Variants in PALB2 observed in about 807,000 individuals in gnomAD.
PALB2 encodes the protein mutant partner and localizer of BRCA2.
A neutral mutation model predicts 107.4 loss-of-function variants in PALB2; 82 were observed. The observed-to-expected ratio is 0.76, with a 90% CI of 0.64 to 0.92. The LOEUF is 0.92. Ranked by LOEUF, PALB2 falls within the 40% of genes least tolerant of loss-of-function variation. The pLI is 0.00. For missense variants in PALB2, 1,374 were observed against 1,379.9 expected (o/e 1.00, Z 0.07); for synonymous variants, 489 against 496.8 (o/e 0.98, Z 0.21).
chr16:23,629,055 A>G (rs1232559288), intron 6 of PALB2, 149 bp downstream of exon 6: 1 of 707,748 alleles, frequency 1.4e-6, no homozygotes, highest in African/African-American at 1.8e-5. Flanking sequence ...ATTGGGAAAA[A>G]TAACCAATCC....
rs786201651 is a variant in PALB2, at chr16:23,629,817, T to G, written c.2337A>C (p.Ser779=). 4.3e-6 allele frequency: 7 copies of G among 1,614,206 alleles called. No individual in the cohort carries two copies. The highest frequency in any genetic ancestry group is 2.2e-5 in the South Asian group (2 of 91,082). ...TGGTATGTGGTTTTGCTGGGCTGCCTGAACTGTCGAATTGTTTAGTATCAC... is the reference window on the plus strand; with the variant it reads ...TGGTATGTGGTTTTGCTGGGCTGCCGGAACTGTCGAATTGTTTAGTATCAC... ...LASDTKQFDS[S]GSPAKPHTTL... The change falls in exon 5 of 13, where the codon TCA becomes TCC. Residue 779 remains serine (S), a synonymous_variant. Coordinates refer to ENST00000261584, the MANE Select transcript of PALB2 (RefSeq NM_024675.4).
chr16:23,641,136 G>T lies in PALB2; in HGVS notation c.22C>A (p.Pro8Thr), dbSNP rs876660586. 6.2e-7 allele frequency: 1 copy of T among 1,613,464 alleles called. No individual in the cohort carries two copies. The highest frequency in any genetic ancestry group is 8.5e-7 in the Non-Finnish European group (1 of 1,179,866). Residue 8 changes from proline (P) to threonine (T), a missense_variant, in exon 1 of 13, where the codon CCC becomes ACC. Transcript: ENST00000261584. ...TTTTCCTTCTCCTCACAGCTGAGGG[G>T]CTTCCCGGGAGGCTCGTCCATCGGG... MDEPPGK[P>T]LSCEEKEKLK...
rs370318597 is a variant in PALB2 at position 23,634,887 on chromosome 16, G to T, written c.1659C>A (p.His553Gln). ...CTTTCACTTGAATAAATAATTTTTC[G>T]TGCTGATATTTGTGTGAGGTGACTT... Reference protein sequence around the residue: ...KEEVTSHKYQHEKLFIQVKGK... With the variant: ...KEEVTSHKYQQEKLFIQVKGK... The change falls in exon 4 of 13, where the codon CAC becomes CAA. Residue 553 changes from histidine (H) to glutamine (Q), a missense_variant. Coordinates refer to ENST00000261584, the MANE Select transcript of PALB2 (RefSeq NM_024675.4). 6 of 1,613,772 alleles carry T rather than the reference G, an allele frequency of 3.7e-6. No individual in the cohort carries two copies. The East Asian group carries it at 1.3e-4, about 36-fold the overall frequency.
chr16:23,638,311 T>C, intron 1 of PALB2, 182 bp from the exon 2 acceptor site: 1 of 647,448 alleles, frequency 1.5e-6, no homozygotes, highest in East Asian at 2.7e-5. Flanking sequence ...GCATAACCTG[T>C]TCCTATCATC....
chr16:23,629,771 G>T lies in PALB2; in HGVS notation c.2383C>A (p.Gln795Lys), dbSNP rs1966856854. 1 of 1,614,186 alleles carries T rather than the reference G, an allele frequency of 6.2e-7. No individual in the cohort carries two copies. The highest frequency in any genetic ancestry group is 2.2e-5 in the East Asian group (1 of 44,890). The change falls in exon 5 of 13, where the codon CAA becomes AAA. Residue 795 changes from glutamine (Q) to lysine (K), a missense_variant. By Grantham distance (53) the Gln-to-Lys change is moderately conservative. Transcript: ENST00000261584. ...PHTTLQVSGR[Q>K]GQPTCDCDSV... ...TCACAGTCACAGGTAGGTTGTCCTT[G>T]CCTGCCTGACACTTGCAGGGTGGTA... is the stretch of plus-strand genomic sequence containing the variant.
intron 4 of PALB2, among the ~76,000 whole-genome samples, 165 bp downstream of exon 4, chr16:23,634,697 G>T (rs1446219270): frequency 1.3e-5 from 2 of 150,470 alleles, no homozygotes; most frequent in African/African-American, 4.9e-5. Flanking sequence ...TTGAGCCAGG[G>T]TCTCACTCTG....
At chr16:23,627,283 C>G (rs962175785) in intron 6 of PALB2, among the ~76,000 whole-genome samples, 1 of 151,310 alleles carries the variant, frequency 6.6e-6, no homozygotes, top group African/African-American at 2.4e-5. Context: ...GTCAGGAGAT[C>G]GAGACCATCC....
At chr16:23,639,259 G>A (rs546579058) in intron 1 of PALB2, among the ~76,000 whole-genome samples, 1 of 152,118 alleles carries the variant, frequency 6.6e-6, no homozygotes, top group Non-Finnish European at 1.5e-5. Flanking sequence ...TCAGCTGGGC[G>A]CAGTGGCTCA....
chr16:23,638,637 G>C (rs1967125898), intron 1 of PALB2: 2 of 436,794 alleles, frequency 4.6e-6, no homozygotes, highest in Non-Finnish European at 9.1e-6. Context: ...TAGTGCTCCA[G>C]ATGCTATTCT....
Position 23,636,073 on chromosome 16 carries a change from T to A in PALB2, c.473A>T (p.Gln158Leu), listed in dbSNP as rs1349641343. The change falls in exon 4 of 13, where the codon CAG becomes CTG. Residue 158 changes from glutamine (Q) to leucine (L), a missense_variant. By Grantham distance (113) the Gln-to-Leu change is moderately radical (BLOSUM62 -2). Coordinates refer to ENST00000261584, the MANE Select transcript of PALB2 (RefSeq NM_024675.4). ...AGTGCCAAAGACACAGTCTCTCTCC[T>A]GTGAAATAAATGTCCTCTTCTGCTG... Reference protein sequence around the residue: ...KKQQKRTFISQERDCVFGTDS... With the variant: ...KKQQKRTFISLERDCVFGTDS... The A allele has an allele frequency of 6.2e-7, 1 of 1,613,966 alleles. No homozygotes were observed.
At chr16:23,627,148 G>C (rs1011612178) in intron 6 of PALB2, among the ~76,000 whole-genome samples, 2 of 152,068 alleles carry the variant, frequency 1.3e-5, no homozygotes, top group African/African-American at 4.8e-5. Flanking sequence ...ACCACAGAGC[G>C]TGGCCAAAGC....
At chr16:23,629,115 A>G in intron 6 of PALB2, 89 bp downstream of exon 6, 2 of 1,010,208 alleles carry the variant, frequency 2.0e-6, no homozygotes, top group Admixed American at 3.4e-5. Flanking sequence ...AGTATTAAAG[A>G]ACAAGAAGCT....
At position 23,626,413 on chromosome 16, in the gene PALB2, C is replaced by G. The variant is rs1057522563; in HGVS notation, c.2587-16G>C. 6.2e-7 allele frequency: 1 copy of G among 1,614,100 alleles called. No individual in the cohort carries two copies. The highest frequency in any genetic ancestry group is 1.7e-5 in the Admixed American group (1 of 60,012). On this transcript the variant is annotated splice_polypyrimidine_tract_variant and intron_variant, in intron 6 of 12. Transcript: ENST00000261584. ...CTGAAGGATTCTGACACAATGGCAA[C>G]AGTTCTGTTAAAGTGGCACTCGAGT...
chr16:23,637,785 C>T, intron 3 of PALB2, 65 bp downstream of exon 3: 1 of 1,285,160 alleles, frequency 7.8e-7, no homozygotes, highest in Non-Finnish European at 1.1e-6. Context: ...GGAAAAAGAA[C>T]AATAGCCAAA....
In PALB2 at chr16:23,613,211, G is replaced by C. The variant is rs558334260; in HGVS notation, c.3201+793C>G. On this transcript the variant is annotated intron_variant, in intron 11 of 12. Coordinates refer to ENST00000261584, the MANE Select transcript of PALB2 (RefSeq NM_024675.4). Reference sequence around the variant, plus strand: ...ACTTTGAAATATATAGCACATTGTTGCTAACTACAGTCATTCTACTCTGCT... The same window carrying C: ...ACTTTGAAATATATAGCACATTGTTCCTAACTACAGTCATTCTACTCTGCT... Among the ~76,000 whole-genome samples, 4 of 152,154 alleles carry C rather than the reference G, an allele frequency of 2.6e-5. No homozygotes were observed. In the South Asian group the frequency reaches 8.3e-4, roughly 32 times the overall value.
intron 4 of PALB2, among the ~76,000 whole-genome samples, chr16:23,631,053 C>T (rs973344572): frequency 2.1e-5 from 3 of 145,606 alleles, no homozygotes; most frequent in South Asian, 2.1e-4. Context: ...CACTTGAGGT[C>T]AGGAGTTCAA....
chr16:23,635,178 C>T lies in PALB2; in HGVS notation c.1368G>A (p.Glu456=), dbSNP rs1555461319. The T allele has an allele frequency of 1.2e-6, 2 of 1,614,144 alleles. No individual in the cohort carries two copies. Among genetic ancestry groups the T allele is most frequent in the South Asian group, 1.1e-5 (1 of 91,074 alleles). Residue 456 remains glutamate (E), a synonymous_variant, in exon 4 of 13, where the codon GAG becomes GAA. Transcript: ENST00000261584. ...DASKNLNLSN[E]ETDQSEIRMS... Reference sequence around the variant, plus strand: ...TCCTAATTTCACTTTGGTCAGTTTCCTCATTGGAAAGGTTTAAATTTTTAC... The same window carrying T: ...TCCTAATTTCACTTTGGTCAGTTTCTTCATTGGAAAGGTTTAAATTTTTAC...
At position 23,629,719 on chromosome 16, in the gene PALB2, G is replaced by A. The variant is rs774502617; in HGVS notation, c.2435C>T (p.Pro812Leu). ...TTCTTTAAAAGTGAATGACTCAATG[G>A]GTGGAGGTGTTCCTGGCGGGACAGA... ...CDSVPPGTPP[P>L]IESFTFKENQ... is the part of the protein sequence containing the mutation. The change falls in exon 5 of 13, where the codon CCC (proline) becomes CTC (leucine). Residue 812 changes from proline to leucine, a missense_variant. Physicochemically the swap from Pro to Leu is moderately conservative, Grantham distance 98 (BLOSUM62 -3). Transcript: ENST00000261584. The A allele has an allele frequency of 8.1e-6, 13 of 1,614,096 alleles. No individual in the cohort carries two copies. The East Asian group carries it at 1.6e-4, about 19-fold the overall frequency.
intron 9 of PALB2, among the ~76,000 whole-genome samples, chr16:23,622,420 G>C (rs1273146151): frequency 2.6e-5 from 4 of 151,640 alleles, no homozygotes; most frequent in Admixed American, 6.6e-5. Flanking sequence ...TTTAAGATTA[G>C]GTCTCGCTCT....
Sources: gnomAD v4.1 joint callset for allele counts (sites outside exome capture counted in the v4.1 genomes callset) on GRCh38, gnomAD v4.1.1 for gene constraint, MANE v1.5 for transcripts, NCBI Gene and HGNC (gene_info 2026-07-23, HGNC 2026-07-21) for gene names.